Variants in PPM1E observed in about 807,000 individuals in gnomAD.
PPM1E encodes protein phosphatase 1E.
In PPM1E, 20 loss-of-function variants were observed where a neutral mutation model predicts 65.9. The ratio of observed to expected loss-of-function variants is 0.30; its 90% CI spans 0.21 to 0.44. The LOEUF is 0.44. Ranked by LOEUF, PPM1E falls within the 20% of genes least tolerant of loss-of-function variation. PPM1E has a pLI of 1.00. For synonymous variants in PPM1E, 352 were observed against 374.9 expected, an observed-to-expected ratio of 0.94 and a Z score of 0.70; for missense variants, 713 against 953.1, an observed-to-expected ratio of 0.75 and a Z score of 3.32.
intron 1 of PPM1E, among the ~76,000 whole-genome samples, chr17:58,856,302 C>G (rs964681006): frequency 3.3e-5 from 5 of 152,012 alleles, no homozygotes; most frequent in African/African-American, 1.2e-4. Flanking sequence ...TGCAATGGCG[C>G]GATCTCTGCT....
chr17:58,780,730 A>T (rs917895387), intron 1 of PPM1E, among the ~76,000 whole-genome samples: 1 of 152,104 alleles, frequency 6.6e-6, no homozygotes, highest in African/African-American at 2.4e-5. Flanking sequence ...TAGAAGTTAA[A>T]ATTTTTGTAC....
At chr17:58,859,657 G>A (rs542654772) in intron 1 of PPM1E, among the ~76,000 whole-genome samples, 1 of 152,336 alleles carries the variant, frequency 6.6e-6, no homozygotes, top group East Asian at 1.9e-4. Flanking sequence ...ATTTCATTGA[G>A]CAACCATTAT....
intron 1 of PPM1E, among the ~76,000 whole-genome samples, chr17:58,879,069 C>G (rs1490758341): frequency 1.3e-5 from 2 of 151,934 alleles, no homozygotes; most frequent in East Asian, 1.9e-4. Context: ...AATCCAGACA[C>G]TGGAATTTGG....
intron 1 of PPM1E, among the ~76,000 whole-genome samples, chr17:58,819,602 G>C (rs1411476187): frequency 6.6e-6 from 1 of 152,136 alleles, no homozygotes; most frequent in Non-Finnish European, 1.5e-5. Flanking sequence ...GGTTCTGTAG[G>C]CTGTACAGGT....
intron 1 of PPM1E, among the ~76,000 whole-genome samples, chr17:58,809,021 G>C (rs972058544): frequency 9.9e-5 from 15 of 152,196 alleles, no homozygotes; most frequent in African/African-American, 3.6e-4. Flanking sequence ...GTCAGTATGT[G>C]TCTCCAAGGT....
intron 1 of PPM1E, among the ~76,000 whole-genome samples, chr17:58,841,171 G>T (rs966496621): frequency 1.3e-5 from 2 of 152,166 alleles, no homozygotes; most frequent in Non-Finnish European, 2.9e-5. Context: ...TTAATAAATG[G>T]AAGTGAATAG....
chr17:58,902,857 T>C (rs1181516638), intron 1 of PPM1E, among the ~76,000 whole-genome samples: 1 of 152,172 alleles, frequency 6.6e-6, no homozygotes, highest in East Asian at 1.9e-4. Flanking sequence ...CATATTGTCA[T>C]GTTTAGTTGG....
intron 1 of PPM1E, among the ~76,000 whole-genome samples, chr17:58,796,126 C>A (rs1304756353): frequency 6.6e-6 from 1 of 152,148 alleles, no homozygotes; most frequent in Non-Finnish European, 1.5e-5. Context: ...AATCATGGCT[C>A]ACTGCAGCCA....
chr17:58,930,274 CACACACACACAG>C (rs1567878186), intron 1 of PPM1E, among the ~76,000 whole-genome samples: 6 of 151,720 alleles, frequency 4.0e-5, no homozygotes, highest in East Asian at 1.9e-4. Context: ...CACACACACA[CACACACACACAG>C]ACACACACAC....
rs577518603 is a variant in PPM1E, at chr17:58,957,574, A to C, written c.583+1807A>C. On this transcript the variant is annotated intron_variant, in intron 2 of 6. Coordinates refer to ENST00000308249, the MANE Select transcript of PPM1E (RefSeq NM_014906.5). ...AATCACTTAGTGTGAACTGCACCAC[A>C]GAGAATCTCTATGGGGCATATTGTG... 5.9e-5 allele frequency among the ~76,000 whole-genome samples: 9 copies of C among 152,310 alleles called. No individual in the cohort carries two copies. The East Asian group carries it at 1.7e-3, about 29-fold the overall frequency.
intron 1 of PPM1E, among the ~76,000 whole-genome samples, chr17:58,890,008 C>T (rs1193852194): frequency 6.6e-6 from 1 of 152,160 alleles, no homozygotes. Flanking sequence ...AATAAACACA[C>T]AGTTGCTTCT....
intron 1 of PPM1E, among the ~76,000 whole-genome samples, chr17:58,932,519 A>C (rs2051915172): frequency 6.6e-6 from 1 of 152,146 alleles, no homozygotes; most frequent in Admixed American, 6.5e-5. Flanking sequence ...AAATCTAAGA[A>C]CTAATTTATT....
chr17:58,886,569 T>C (rs910074954), intron 1 of PPM1E, among the ~76,000 whole-genome samples: 2 of 152,202 alleles, frequency 1.3e-5, no homozygotes, highest in Non-Finnish European at 2.9e-5. Context: ...TCAGCCACAA[T>C]TCCATTTTCT....
chr17:58,811,006 C>T (rs1055069204), intron 1 of PPM1E, among the ~76,000 whole-genome samples: 5 of 151,916 alleles, frequency 3.3e-5, no homozygotes, highest in East Asian at 1.9e-4. Context: ...TACAGGCACG[C>T]GCTACTATGC....
At position 58,982,833 on chromosome 17, in the gene PPM1E, C is replaced by T. The variant is rs2031440305; in HGVS notation, c.*1802C>T. 5.8e-6 allele frequency: 8 copies of T among 1,378,480 alleles called. No individual in the cohort carries two copies. The South Asian group carries it at 1.0e-4, about 17-fold the overall frequency. The allele number at this position is 1,378,480 out of a possible 1,614,324, so 85.4% of individuals were successfully genotyped here. A position where few individuals can be genotyped will look rare whatever the true frequency, so the allele number is the denominator to read the frequency against. The stretch of plus-strand genomic sequence containing the variant: ...TTTTCATCATTCTGAGGCTTTGCCC[C>T]ACACATGGTCCTCACTCATATCTGT... On this transcript the variant is annotated 3_prime_UTR_variant, in exon 7 of 7. Transcript: ENST00000308249.
At chr17:58,957,032 C>A (rs1421678381) in intron 2 of PPM1E, among the ~76,000 whole-genome samples, 1 of 152,174 alleles carries the variant, frequency 6.6e-6, no homozygotes, top group African/African-American at 2.4e-5. Flanking sequence ...GGATAGAATT[C>A]TTGCTATAAA....
chr17:58,875,445 G>A lies in PPM1E; in HGVS notation c.465-80204G>A, dbSNP rs530663067. Among the ~76,000 whole-genome samples the A allele has an allele frequency of 9.2e-5, 14 of 152,168 alleles. No homozygotes were observed. The East Asian group carries it at 2.7e-3, about 29-fold the overall frequency. On this transcript the variant is annotated intron_variant, in intron 1 of 6. Coordinates refer to ENST00000308249, the MANE Select transcript of PPM1E (RefSeq NM_014906.5). ...CTTTTTTTGCCTGGCCCTTACAGAA[G>A]CAATGCTTTTTCTTTGTTTCAAAAT...
At chr17:58,821,896 G>A (rs971907226) in intron 1 of PPM1E, among the ~76,000 whole-genome samples, 3 of 152,112 alleles carry the variant, frequency 2.0e-5, no homozygotes, top group Admixed American at 1.3e-4. Context: ...ATTATTCAAC[G>A]CTTATGCAGC....
chr17:58,961,362 C>T (rs2030025825), intron 2 of PPM1E, among the ~76,000 whole-genome samples: 1 of 152,178 alleles, frequency 6.6e-6, no homozygotes, highest in East Asian at 1.9e-4. Context: ...TTAAGACAGT[C>T]TGTATCTGCA....
Sources: allele counts gnomAD v4.1 joint callset (sites outside exome capture counted in the v4.1 genomes callset), GRCh38; gene constraint gnomAD v4.1.1; transcripts MANE v1.5; gene names NCBI Gene and HGNC (gene_info 2026-07-23, HGNC 2026-07-21).